MMS19: variants seen among roughly 807,000 people sequenced by gnomAD.
MMS19 encodes MMS19 nucleotide excision repair protein homolog.
Under a neutral mutation model 129.8 loss-of-function variants are expected in MMS19, and 77 were observed. The observed-to-expected ratio is 0.59, with a 90% CI of 0.49 to 0.72. MMS19 has a LOEUF of 0.72. Among genes scored for constraint, MMS19 ranks in the 30% least tolerant of loss-of-function variants. The probability of loss-of-function intolerance (pLI) is 0.00; values close to 1 mark genes in which losing one functional copy is unlikely to be tolerated. For synonymous variants in MMS19, 491 were observed against 502.8 expected (o/e 0.98, Z 0.31); for missense variants, 1,168 against 1,266.3 (o/e 0.92, Z 1.18).
At chr10:97,494,745 G>A (rs1432763826) in intron 1 of MMS19, among the ~76,000 whole-genome samples, 5 of 152,222 alleles carry the variant, frequency 3.3e-5, no homozygotes, top group African/African-American at 9.7e-5. Context: ...TTTGGACAAA[G>A]TATTTCTTTT....
At position 97,470,218 on chromosome 10, in the gene MMS19, G is replaced by A. The variant is rs199640762; in HGVS notation, c.772-15C>T. The A allele has an allele frequency of 1.3e-6, 2 of 1,590,888 alleles. No homozygotes were observed. Among genetic ancestry groups the A allele is most frequent in the East Asian group, 4.5e-5 (2 of 44,238 alleles). ...GGCAGCAGAAACTGTGGGACAGAAG[G>A]AAGATCTTAAGCCTGAGATGGGTGG... On this transcript the variant is annotated splice_polypyrimidine_tract_variant and intron_variant, in intron 9 of 30. Transcript: ENST00000438925.
chr10:97,461,993 G>A, intron 21 of MMS19, 24 bp downstream of exon 21: 1 of 1,573,062 alleles, frequency 6.4e-7, no homozygotes, highest in South Asian at 1.2e-5. Context: ...CCAGCTTGAA[G>A]GATGTAAGTT....
rs2034243132 is a variant in MMS19, at chr10:97,469,507, C to T, written c.924+139G>A. The T allele has an allele frequency of 7.5e-5, 51 of 679,472 alleles. 1 individual carries two copies. The South Asian group carries it at 8.3e-4, about 11-fold the overall frequency. 42.1% of individuals were successfully genotyped at this position (679,472 alleles called of 1,614,324 possible). A position where few individuals can be genotyped will look rare whatever the true frequency, so the allele number is the denominator to read the frequency against. On this transcript the variant is annotated intron_variant, in intron 11 of 30. Transcript: ENST00000438925. Reference sequence around the variant, plus strand: ...CTTGTCATTCAACTAGAATTATGTCCCCCTACTTGCCTCCTGAATAACCAG... The same window carrying T: ...CTTGTCATTCAACTAGAATTATGTCTCCCTACTTGCCTCCTGAATAACCAG...
intron 1 of MMS19, among the ~76,000 whole-genome samples, chr10:97,496,451 A>G (rs1345539839): frequency 6.6e-6 from 1 of 150,970 alleles, no homozygotes; most frequent in Non-Finnish European, 1.5e-5. Context: ...GGTCGAGGCT[A>G]CAGTGAGCCA....
In MMS19 at chr10:97,492,454, G is replaced by A. The variant is rs529953872; in HGVS notation, c.112+5819C>T. On this transcript the variant is annotated intron_variant, in intron 1 of 30. Coordinates refer to ENST00000438925, the MANE Select transcript of MMS19 (RefSeq NM_022362.5). The stretch of plus-strand genomic sequence containing the variant: ...GGAGCCACTGCACTCCCACCTGGGC[G>A]ACTGAGTGAGACTCTGTCTCAAAAA... 8.0e-5 allele frequency among the ~76,000 whole-genome samples: 12 copies of A among 150,798 alleles called. No individual in the cohort carries two copies. The South Asian group carries it at 2.5e-3, about 32-fold the overall frequency.
intron 8 of MMS19, among the ~76,000 whole-genome samples, chr10:97,472,365 G>C (rs541863643): frequency 6.6e-6 from 1 of 152,234 alleles, no homozygotes; most frequent in African/African-American, 2.4e-5. Flanking sequence ...TGTCTCCCGA[G>C]TGGCTGGGAT....
chr10:97,465,274 A>G (rs927671748), intron 18 of MMS19, among the ~76,000 whole-genome samples: 26 of 152,294 alleles, frequency 1.7e-4, no homozygotes, highest in African/African-American at 6.3e-4. Flanking sequence ...TGCTGGGATT[A>G]TAGGCATGTG....
chr10:97,489,735 T>G (rs1006161589), intron 1 of MMS19, among the ~76,000 whole-genome samples: 1 of 152,272 alleles, frequency 6.6e-6, no homozygotes, highest in African/African-American at 2.4e-5. Context: ...TTGTTTTTCA[T>G]GACCTTGATA....
At chr10:97,461,694 G>A in intron 22 of MMS19, 72 bp from the exon 23 acceptor site, 2 of 1,561,668 alleles carry the variant, frequency 1.3e-6, no homozygotes, top group Non-Finnish European at 1.7e-6. Context: ...CATAGTGGCA[G>A]CAGGGACCGG....
At chr10:97,491,018 C>T (rs2038776844) in intron 1 of MMS19, among the ~76,000 whole-genome samples, 1 of 152,184 alleles carries the variant, frequency 6.6e-6, no homozygotes, top group Non-Finnish European at 1.5e-5. Flanking sequence ...ACTGAAACAC[C>T]TATTTCTGGG....
chr10:97,488,903 T>C (rs28987105), intron 1 of MMS19, among the ~76,000 whole-genome samples: 35 of 152,388 alleles, frequency 2.3e-4, no homozygotes, highest in African/African-American at 5.0e-4. Context: ...AAATGAATTA[T>C]AGTACATCCA....
chr10:97,491,750 C>T (rs919908099), intron 1 of MMS19, among the ~76,000 whole-genome samples: 3 of 152,248 alleles, frequency 2.0e-5, no homozygotes, highest in African/African-American at 7.2e-5. Context: ...GCATGTGGTT[C>T]CTTGAATCCC....
rs375715470 is a variant in MMS19, at chr10:97,459,251, T to C, written c.2936A>G (p.His979Arg). The stretch of plus-strand genomic sequence containing the variant: ...AGGGGTGGGCAGGCGAGTGAGAGCA[T>C]GCATGCACTGCAGTGCGGCGATCCG... ...AVRIAALQCM[H>R]ALTRLPTPVL... The change falls in exon 29 of 31, where the codon CAT (histidine) becomes CGT (arginine). Residue 979 changes from histidine (H) to arginine (R), a missense_variant. Physicochemically the swap from His to Arg is conservative, Grantham distance 29 (BLOSUM62 0). Around this residue, in one of 3 missense-constraint regions of MMS19, gnomAD observed 831 missense variants for 910.8 expected, o/e 0.91. Transcript: ENST00000438925. 6.8e-6 allele frequency: 11 copies of C among 1,612,940 alleles called. No individual in the cohort carries two copies. The highest frequency in any genetic ancestry group is 1.3e-5 in the African/African-American group (1 of 74,884).
chr10:97,478,496 C>T lies in MMS19; in HGVS notation c.263-107G>A, dbSNP rs1189053571. Reference sequence around the variant, plus strand: ...AGTTGTTTCTGTTTGGGTTCCACTACAAATTTTCTCTTTCACCAAGAGACA... The same window carrying T: ...AGTTGTTTCTGTTTGGGTTCCACTATAAATTTTCTCTTTCACCAAGAGACA... On this transcript the variant is annotated intron_variant, in intron 3 of 30. Coordinates refer to ENST00000438925, the MANE Select transcript of MMS19 (RefSeq NM_022362.5). 3 of 771,494 alleles carry T rather than the reference C, an allele frequency of 3.9e-6. No individual in the cohort carries two copies. The African/African-American group carries it at 5.3e-5, about 14-fold the overall frequency. The allele number at this position is 771,494 out of a possible 1,614,324, so 47.8% of individuals were successfully genotyped here.
At chr10:97,463,515 G>C (rs1405639508) in intron 19 of MMS19, among the ~76,000 whole-genome samples, 1 of 152,228 alleles carries the variant, frequency 6.6e-6, no homozygotes, top group Non-Finnish European at 1.5e-5. Context: ...TGGAAAGGCT[G>C]AATATCTTCA....
intron 22 of MMS19, 81 bp from the exon 23 acceptor site, chr10:97,461,703 G>T (rs1009407090): frequency 3.2e-6 from 5 of 1,554,138 alleles, no homozygotes; most frequent in East Asian, 2.4e-5. Context: ...AGCAGGGACC[G>T]GGACGGATGA....
intron 18 of MMS19, among the ~76,000 whole-genome samples, chr10:97,465,081 C>T (rs1308217733): frequency 6.6e-6 from 1 of 151,960 alleles, no homozygotes; most frequent in African/African-American, 2.4e-5. Flanking sequence ...ATGATCTTGG[C>T]TCACTGCAAC....
chr10:97,491,632 T>C (rs772134333), intron 1 of MMS19, among the ~76,000 whole-genome samples: 1 of 152,106 alleles, frequency 6.6e-6, no homozygotes, highest in African/African-American at 2.4e-5. Flanking sequence ...GCCTGGGCGA[T>C]AGAGCGAGAC....
rs2034623602 is a variant in MMS19 at position 97,471,246 on chromosome 10, TAAG to T, written c.685-388_685-386del. 2.0e-5 allele frequency among the ~76,000 whole-genome samples: 3 copies of T among 152,270 alleles called. No homozygotes were observed. The South Asian group carries it at 6.2e-4, about 32-fold the overall frequency. ...TTTTAATTTTTTTCACTTAACATAT[TAAG>T]AACATTTTTATGGTATTATTCTTTC... On this transcript the variant is annotated intron_variant, in intron 8 of 30. Transcript: ENST00000438925.
Sources: allele counts gnomAD v4.1 joint callset (sites outside exome capture counted in the v4.1 genomes callset), GRCh38; gene constraint gnomAD v4.1.1; regional missense constraint gnomAD v4.1.1; transcripts MANE v1.5; gene names NCBI Gene and HGNC (gene_info 2026-07-23, HGNC 2026-07-21).